The following TRPM5 variants were observed in gnomAD, a reference collection of about 807,000 sequenced individuals.
TRPM5 encodes MLSN1 and TRP-related.
In TRPM5, 121 loss-of-function variants were observed where a neutral mutation model predicts 124.9. The ratio of observed to expected loss-of-function variants is 0.97; its 90% CI spans 0.84 to 1.13. The LOEUF is 1.13. TRPM5 is among the 50% of genes most tolerant of loss of function. TRPM5 has a pLI of 0.00. For missense variants in TRPM5, 1,643 were observed against 1,589.1 expected (o/e 1.03, Z -0.58); for synonymous variants, 781 against 700.5 (o/e 1.11, Z -1.81).
intron 2 of TRPM5, among the ~76,000 whole-genome samples, chr11:2,421,920 G>A (rs1166535673): frequency 2.0e-5 from 3 of 152,080 alleles, no homozygotes; most frequent in Admixed American, 1.3e-4. Flanking sequence ...TGCAGAGGAC[G>A]GGCTGAGAGT....
At chr11:2,437,296 G>A in the TRPM5 span, among the ~76,000 whole-genome samples, 1 of 152,198 alleles carries the variant, frequency 6.6e-6, no homozygotes, top group Non-Finnish European at 1.5e-5. The surrounding 1 kb of genome is among the most constrained non-coding windows in gnomAD (Gnocchi z 5.6). Flanking sequence ...CTGTGAATTG[G>A]GAGACAGGTC....
exon 9 of TRPM5, chr11:2,415,209 T>G (rs1349230327): frequency 6.3e-7 from 1 of 1,582,238 alleles, no homozygotes; most frequent in Non-Finnish European, 8.6e-7. Context: ...GGAGACCTCG[T>G]GCAGGGAGAA....
At chr11:2,440,320 T>A in the TRPM5 span, among the ~76,000 whole-genome samples, 1 of 152,012 alleles carries the variant, frequency 6.6e-6, no homozygotes, top group African/African-American at 2.4e-5. This position sits in a 1 kb window ranked among gnomAD's most constrained non-coding sequence, Gnocchi z 5.2. Flanking sequence ...CCTCTGAATC[T>A]AAAAAAGAAC....
chr11:2,413,508 G>A (rs144158249), exon 13 of TRPM5: 26 of 1,612,116 alleles, frequency 1.6e-5, no homozygotes, highest in South Asian at 1.4e-4. Context: ...AGACGAGGGC[G>A]GGGCAGAGGA....
intron 4 of TRPM5, among the ~76,000 whole-genome samples, chr11:2,419,733 T>G (rs554717107): frequency 2.0e-5 from 3 of 152,368 alleles, no homozygotes; most frequent in African/African-American, 7.2e-5. Flanking sequence ...ATATGCTTTG[T>G]TTATGAATAT....
exon 24 of TRPM5, chr11:2,404,792 T>C (rs1850278979): frequency 7.9e-6 from 5 of 632,356 alleles, no homozygotes; most frequent in African/African-American, 5.5e-5. Flanking sequence ...GGTGAGGGTC[T>C]GTGGTGAGGC....
chr11:2,408,024 G>A (rs1850359914), intron 18 of TRPM5, 112 bp from the exon 24 acceptor site: 1 of 1,395,856 alleles, frequency 7.2e-7, no homozygotes, highest in Non-Finnish European at 9.7e-7. Flanking sequence ...AGGGGACGGG[G>A]TGCTGGTTGG....
At chr11:2,431,318 G>A in the TRPM5 span, among the ~76,000 whole-genome samples, 668 of 152,188 alleles carry the variant, frequency 4.4e-3, 7 homozygotes, top group African/African-American at 0.015. Flanking sequence ...TGGGCAAGGC[G>A]GAGGGTCCAC....
Position 2,414,823 on chromosome 11 carries a change from C to CCACA in TRPM5, c.1632_1635dup (p.Ala546CysfsTer38). ...ATTTTGCAGGCGGCCAGTGCGGCTG[C>CCACA]CACACCTTCCTGGCCCTACGAGACC... On this transcript the variant is annotated frameshift_variant, in exon 11 of 24. Transcript: ENST00000155858. LOFTEE classifies it high-confidence loss of function. 6.3e-7 allele frequency: 1 copy of CCACA among 1,591,292 alleles called. No individual in the cohort carries two copies. Among genetic ancestry groups the CCACA allele is most frequent in the South Asian group, 1.1e-5 (1 of 88,144 alleles).
chr11:2,414,686 G>A (rs1434087646), intron 11 of TRPM5, 29 bp downstream of exon 16: 33 of 1,515,930 alleles, frequency 2.2e-5, no homozygotes, highest in Middle Eastern at 2.2e-4. Context: ...CCCCGCGCGC[G>A]GGCCCGGCCC....
At chr11:2,409,160 C>G (rs12280926) in intron 18 of TRPM5, among the ~76,000 whole-genome samples, 3 of 152,104 alleles carry the variant, frequency 2.0e-5, no homozygotes, top group Non-Finnish European at 4.4e-5. Flanking sequence ...TATTGAGTGT[C>G]TGTGTGTGCA....
At chr11:2,434,510 G>T in the TRPM5 span, among the ~76,000 whole-genome samples, 1 of 148,840 alleles carries the variant, frequency 6.7e-6, no homozygotes. Context: ...TGTGTGTGTG[G>T]ATGCTGTGTC....
intron 4 of TRPM5, among the ~76,000 whole-genome samples, chr11:2,419,622 C>CAAAA (rs3986606): frequency 7.9e-6 from 1 of 126,920 alleles, no homozygotes; most frequent in African/African-American, 2.8e-5. Flanking sequence ...GATTCTGCCT[C>CAAAA]AAAAAAAAAA....
exon 24 of TRPM5, chr11:2,405,029 C>G (rs79526258): frequency 8.7e-6 from 14 of 1,612,480 alleles, no homozygotes; most frequent in Non-Finnish European, 1.1e-5. Context: ...CTTCCCTCGC[C>G]ACAGTGCTGA....
chr11:2,412,226 G>A (rs1317594150), exon 16 of TRPM5: 2 of 1,613,356 alleles, frequency 1.2e-6, no homozygotes, highest in Non-Finnish European at 1.7e-6. Flanking sequence ...TTCTTCACCA[G>A]GTGTGTGTCC....
At chr11:2,414,009 G>GGGGCGCCCCCCCCCCCCCCCC in intron 12 of TRPM5, 52 bp downstream of exon 17, 6 of 1,023,730 alleles carry the variant, frequency 5.9e-6, no homozygotes, top group African/African-American at 1.6e-5. Context: ...GGCCCAGCTC[G>GGGGCGCCCCCCCCCCCCCCCC]CCCGCCCACC....
intron 4 of TRPM5, 84 bp downstream of exon 9, chr11:2,420,138 C>A (rs940193662): frequency 6.8e-7 from 1 of 1,462,108 alleles, no homozygotes; most frequent in Non-Finnish European, 9.2e-7. Context: ...TTCTCCCTGG[C>A]GGTCACCCCC....
chr11:2,423,926 G>A (rs1014597508), upstream of TRPM5, among the ~76,000 whole-genome samples: 5 of 152,202 alleles, frequency 3.3e-5, no homozygotes, highest in Non-Finnish European at 5.9e-5. Flanking sequence ...ACCTCCCTCC[G>A]ATTGCTCCTC....
At chr11:2,440,275 C>T in the TRPM5 span, among the ~76,000 whole-genome samples, 3 of 152,124 alleles carry the variant, frequency 2.0e-5, no homozygotes, top group Non-Finnish European at 4.4e-5. The surrounding 1 kb of genome is among the most constrained non-coding windows in gnomAD (Gnocchi z 5.2). Flanking sequence ...CTCAGCATCA[C>T]GCAATATACC....
Sources: gnomAD v4.1 joint callset for allele counts (sites outside exome capture counted in the v4.1 genomes callset) on GRCh38, gnomAD v4.1.1 for gene constraint, Gnocchi (gnomAD v3.1) non-coding constraint, MANE v1.5 for transcripts, NCBI Gene and HGNC (gene_info 2026-07-23, HGNC 2026-07-21) for gene names.